The following ARL6 variants were observed in gnomAD, a reference collection of about 807,000 sequenced individuals.
ARL6 encodes the protein ARF like GTPase 6, also known as ADP-ribosylation factor-like protein 6.
A neutral mutation model predicts 27.1 loss-of-function variants in ARL6; 18 were observed. That is an observed-to-expected ratio of 0.66 (90% confidence interval 0.46 to 0.98). The LOEUF is 0.98. Ranked by LOEUF, ARL6 falls within the 50% of genes least tolerant of loss-of-function variation. ARL6 has a pLI of 0.00. For synonymous variants in ARL6, 65 were observed against 72.3 expected (o/e 0.90, Z 0.51); for missense variants, 187 against 214.9 (o/e 0.87, Z 0.81).
chr3:97,788,191 T>A, intron 6 of ARL6, 72 bp downstream of exon 6: 1 of 1,494,284 alleles, frequency 6.7e-7, no homozygotes, highest in South Asian at 1.2e-5. Context: ...TTTCTTCTGA[T>A]CTCATTTTTT....
intron 6 of ARL6, among the ~76,000 whole-genome samples, chr3:97,789,839 T>A (rs1249369171): frequency 6.6e-6 from 1 of 152,242 alleles, no homozygotes; most frequent in Non-Finnish European, 1.5e-5. Flanking sequence ...GATACAGAGA[T>A]AAAATATTAT....
At chr3:97,785,498 A>C (rs1395844954) in intron 5 of ARL6, among the ~76,000 whole-genome samples, 1 of 151,494 alleles carries the variant, frequency 6.6e-6, no homozygotes, top group African/African-American at 2.4e-5. Context: ...ATATATATAT[A>C]TATATATATC....
intron 7 of ARL6, among the ~76,000 whole-genome samples, chr3:97,792,827 C>T (rs1400574325): frequency 5.9e-5 from 9 of 152,056 alleles, no homozygotes; most frequent in Admixed American, 2.6e-4. Flanking sequence ...CATTTCTGAG[C>T]ATAACAACTA....
chr3:97,777,804 C>G (rs181536330), intron 2 of ARL6, among the ~76,000 whole-genome samples: 5 of 152,288 alleles, frequency 3.3e-5, no homozygotes, highest in Middle Eastern at 3.4e-3. Context: ...ATATCTTGTT[C>G]TACCCTAATT....
chr3:97,791,600 G>A (rs531660273), intron 6 of ARL6, among the ~76,000 whole-genome samples, 171 bp from the exon 7 acceptor site: 1 of 152,252 alleles, frequency 6.6e-6, no homozygotes, highest in African/African-American at 2.4e-5. Context: ...TTGTTCCTGA[G>A]CACTCAGACT....
At position 97,791,783 on chromosome 3, in the gene ARL6, C is replaced by T. The variant is rs1376693216; in HGVS notation, c.492C>T (p.Ala164=). ...GATTTCATTTCAGTGCTAGTGATGC[C>T]ATAAAAGGAGAAGGCTTGCAAGAAG... ...DKPWHICASD[A]IKGEGLQEGV... is the part of the protein sequence containing the mutation. The change falls in exon 7 of 8, where the codon GCC becomes GCT. Residue 164 remains alanine, a synonymous_variant. Transcript: ENST00000463745. 1 of 1,613,662 alleles carries T rather than the reference C, an allele frequency of 6.2e-7. No homozygotes were observed. The highest frequency in any genetic ancestry group is 8.5e-7 in the Non-Finnish European group (1 of 1,179,730).
intron 2 of ARL6, among the ~76,000 whole-genome samples, chr3:97,769,322 A>AT (rs1239227681): frequency 6.6e-6 from 1 of 151,962 alleles, no homozygotes; most frequent in Admixed American, 6.6e-5. Context: ...CTTAGCTGTC[A>AT]TTTTTTTAGA....
intron 2 of ARL6, among the ~76,000 whole-genome samples, chr3:97,772,223 G>A (rs185167719): frequency 0.012 from 1,878 of 152,176 alleles, 23 homozygotes; most frequent in Middle Eastern, 0.038. Context: ...GCCTGTTCAG[G>A]TATTTTATTT....
At position 97,789,488 on chromosome 3, in the gene ARL6, C is replaced by A. The variant is rs185718783; in HGVS notation, c.479+1369C>A. Among the ~76,000 whole-genome samples the A allele has an allele frequency of 2.8e-4, 42 of 152,184 alleles. No homozygotes were observed. The East Asian group carries it at 8.1e-3, about 29-fold the overall frequency. ...CATCTTTTCTACTTAAAATAATTAA[C>A]CATTACATTTTAACAGATTTATTTA... On this transcript the variant is annotated intron_variant, in intron 6 of 7. Transcript: ENST00000463745.
chr3:97,768,126 C>CGAAAA lies in ARL6; in HGVS notation c.19_20insGAAAA (p.Leu7ArgfsTer9). 1 of 1,613,048 alleles carries CGAAAA rather than the reference C, an allele frequency of 6.2e-7. No individual in the cohort carries two copies. The highest frequency in any genetic ancestry group is 1.3e-5 in the African/African-American group (1 of 75,008). The stretch of plus-strand genomic sequence containing the variant: ...TCACATTATGGGATTGCTAGACAGA[C>CGAAAA]TTTCAGTCTTGCTTGGCCTGAAGAA... On this transcript the variant is annotated frameshift_variant, in exon 2 of 8. Coordinates refer to ENST00000463745, the MANE Select transcript of ARL6 (RefSeq NM_001278293.3). LOFTEE classifies it high-confidence loss of function.
chr3:97,780,469 T>G (rs1431533727), intron 3 of ARL6, 146 bp from the exon 4 acceptor site: 6 of 753,252 alleles, frequency 8.0e-6, no homozygotes, highest in Middle Eastern at 7.5e-4. Flanking sequence ...ATTAATACAT[T>G]TATTTCATAG....
intron 5 of ARL6, among the ~76,000 whole-genome samples, chr3:97,787,665 T>C (rs2037523986): frequency 6.6e-6 from 1 of 152,158 alleles, no homozygotes; most frequent in Non-Finnish European, 1.5e-5. Flanking sequence ...CTCCTTTCTG[T>C]TCACCATTAA....
intron 2 of ARL6, among the ~76,000 whole-genome samples, chr3:97,775,396 A>G (rs2036844051): frequency 6.6e-6 from 1 of 152,196 alleles, no homozygotes; most frequent in Non-Finnish European, 1.5e-5. Flanking sequence ...GTTCAAGGGC[A>G]GGAAGCATCC....
At chr3:97,783,666 T>G (rs2037309335) in intron 4 of ARL6, among the ~76,000 whole-genome samples, 1 of 151,848 alleles carries the variant, frequency 6.6e-6, no homozygotes, top group South Asian at 2.1e-4. Context: ...AGCATTATCC[T>G]TTTTTAATGA....
intron 7 of ARL6, among the ~76,000 whole-genome samples, chr3:97,795,004 G>C (rs1026402200): frequency 1.3e-5 from 2 of 152,086 alleles, no homozygotes; most frequent in Non-Finnish European, 2.9e-5. Flanking sequence ...AGGAACTCTG[G>C]GGGTGGAGGT....
At position 97,764,766 on chromosome 3, in the gene ARL6, T is replaced by A. The variant is rs373288490; in HGVS notation, c.-239T>A. ...AGGGAACGGTGCCTGCCAAGGCGCC[T>A]GCTCAGCGACTGATGCACAGACTGC... On this transcript the variant is annotated 5_prime_UTR_variant, in exon 1 of 8. Transcript: ENST00000463745. The A allele has an allele frequency of 6.6e-6, 1 of 152,290 alleles. No individual in the cohort carries two copies. Among genetic ancestry groups the A allele is most frequent in the Non-Finnish European group, 1.5e-5 (1 of 68,104 alleles). 9.4% of individuals were successfully genotyped at this position (152,290 alleles called of 1,614,324 possible). A position where few individuals can be genotyped will look rare whatever the true frequency, so the allele number is the denominator to read the frequency against.
chr3:97,769,731 A>G (rs551824179), intron 2 of ARL6, among the ~76,000 whole-genome samples: 5 of 151,932 alleles, frequency 3.3e-5, no homozygotes, highest in African/African-American at 1.2e-4. Flanking sequence ...CACCTACTCT[A>G]TGTCTCTATG....
intron 6 of ARL6, among the ~76,000 whole-genome samples, chr3:97,789,388 CTGTGT>C (rs1456402706): frequency 6.6e-6 from 1 of 152,080 alleles, no homozygotes; most frequent in Non-Finnish European, 1.5e-5. Flanking sequence ...TTTTTAATTT[CTGTGT>C]TGTATTAAGT....
At chr3:97,772,985 C>T (rs1307273067) in intron 2 of ARL6, among the ~76,000 whole-genome samples, 4 of 151,958 alleles carry the variant, frequency 2.6e-5, no homozygotes, top group Non-Finnish European at 5.9e-5. Context: ...TTGCAGTATC[C>T]ATAGATTTTG....
Sources: gnomAD v4.1 joint callset for allele counts (sites outside exome capture counted in the v4.1 genomes callset) on GRCh38, gnomAD v4.1.1 for gene constraint, MANE v1.5 for transcripts, NCBI Gene and HGNC (gene_info 2026-07-23, HGNC 2026-07-21) for gene names.